The following ZC3H7B variants were observed in gnomAD, a reference collection of about 807,000 sequenced individuals.
The protein encoded by ZC3H7B is zinc finger CCCH-type containing 7B, also known as zinc finger CCCH domain-containing protein 7B.
Under a neutral mutation model 116.0 loss-of-function variants are expected in ZC3H7B, and 35 were observed. The ratio of observed to expected loss-of-function variants is 0.30; its 90% CI spans 0.23 to 0.40. ZC3H7B has a LOEUF of 0.40. Among genes scored for constraint, ZC3H7B ranks in the 10% least tolerant of loss-of-function variants. The pLI is 1.00. For missense variants in ZC3H7B, 1,011 were observed against 1,321.5 expected (o/e 0.77, Z 3.64); for synonymous variants, 502 against 545.6 (o/e 0.92, Z 1.11).
At chr22:41,313,781 C>T (rs9623380) in intron 1 of ZC3H7B, among the ~76,000 whole-genome samples, 6,197 of 152,136 alleles carry the variant, frequency 0.041, 415 homozygotes, top group African/African-American at 0.14. Flanking sequence ...CTCTCTCTGT[C>T]GCTCAGGCTG....
At chr22:41,322,349 A>G (rs1282873919) in intron 2 of ZC3H7B, among the ~76,000 whole-genome samples, 1 of 147,512 alleles carries the variant, frequency 6.8e-6, no homozygotes, top group Admixed American at 6.8e-5. Context: ...CACCACACCT[A>G]GCTAATTTTC....
chr22:41,343,329 C>G (rs1051077294), intron 12 of ZC3H7B, 86 bp from the exon 13 acceptor site: 3 of 1,512,274 alleles, frequency 2.0e-6, no homozygotes, highest in Middle Eastern at 1.8e-4. Flanking sequence ...AGGAGGGGGC[C>G]GATTCCTACC....
At chr22:41,304,235 C>CT (rs1019930174) in intron 1 of ZC3H7B, among the ~76,000 whole-genome samples, 18 of 149,954 alleles carry the variant, frequency 1.2e-4, no homozygotes, top group East Asian at 8.0e-4. Context: ...TTCTTTCTTT[C>CT]TTTTTTTTTG....
At chr22:41,343,031 G>A (rs1040050751) in intron 12 of ZC3H7B, among the ~76,000 whole-genome samples, 4 of 152,176 alleles carry the variant, frequency 2.6e-5, no homozygotes, top group Non-Finnish European at 5.9e-5. Context: ...AAAGTAGCCA[G>A]GCTTGGTGGT....
At chr22:41,341,882 T>C (rs988259119) in intron 11 of ZC3H7B, among the ~76,000 whole-genome samples, 2 of 152,030 alleles carry the variant, frequency 1.3e-5, no homozygotes, top group Non-Finnish European at 2.9e-5. Context: ...GCCAACATGG[T>C]GATACCCCGT....
At chr22:41,341,542 G>C (rs1392517189) in intron 11 of ZC3H7B, among the ~76,000 whole-genome samples, 1 of 151,724 alleles carries the variant, frequency 6.6e-6, no homozygotes, top group Non-Finnish European at 1.5e-5. Context: ...AGGAGATTGA[G>C]ACCATCCTGG....
intron 9 of ZC3H7B, among the ~76,000 whole-genome samples, 171 bp downstream of exon 9, chr22:41,339,362 C>T (rs1460705509): frequency 5.3e-5 from 8 of 152,112 alleles, no homozygotes; most frequent in Admixed American, 4.6e-4. Flanking sequence ...CACGGTGGCT[C>T]ACGCCTGTAA....
rs1601755702 is a variant in ZC3H7B at position 41,303,393 on chromosome 22, T to C, written c.-7+1621T>C. On this transcript the variant is annotated intron_variant, in intron 1 of 22. Coordinates refer to ENST00000352645, the MANE Select transcript of ZC3H7B (RefSeq NM_017590.6). The stretch of plus-strand genomic sequence containing the variant: ...AGGAATGGGGGTTTTGGTAGATTAT[T>C]GTGGGGCTTAGAAGCTTGGTGGGAT... Among the ~76,000 whole-genome samples, 4 of 152,300 alleles carry C rather than the reference T, an allele frequency of 2.6e-5. No individual in the cohort carries two copies. The East Asian group carries it at 7.7e-4, about 29-fold the overall frequency.
At position 41,345,464 on chromosome 22, in the gene ZC3H7B, A is replaced by G. The variant is rs917090500; in HGVS notation, c.1460-539A>G. On this transcript the variant is annotated intron_variant, in intron 13 of 22. Coordinates refer to ENST00000352645, the MANE Select transcript of ZC3H7B (RefSeq NM_017590.6). ...GCCGGGCGTGGTGGCGGGTGCCTGT[A>G]ATCCCAGCTACTCGGGAGGCTGAGG... Among the ~76,000 whole-genome samples the G allele has an allele frequency of 3.3e-5, 5 of 152,114 alleles. 1 individual carries two copies. Among genetic ancestry groups the G allele is most frequent in the Admixed American group, 1.3e-4 (2 of 15,278 alleles).
chr22:41,358,509 G>C lies in ZC3H7B; in HGVS notation c.*1080G>C. On this transcript the variant is annotated 3_prime_UTR_variant, in exon 23 of 23. Coordinates refer to ENST00000352645, the MANE Select transcript of ZC3H7B (RefSeq NM_017590.6). ...CTGTGTGAGGTGTGGGAGGTGGGAA[G>C]GGTGAGGGTCTGGGGGAATGCGGAG... 6.6e-6 allele frequency: 1 copy of C among 152,400 alleles called. No individual in the cohort carries two copies. Among genetic ancestry groups the C allele is most frequent in the African/African-American group, 2.4e-5 (1 of 41,440 alleles). The allele number at this position is 152,400 out of a possible 1,614,324, so 9.4% of individuals were successfully genotyped here.
In ZC3H7B at chr22:41,351,728, A is replaced by G; in HGVS notation, c.2034+82A>G. ...CAAACAGGAAGGCTCTAATTTTACA[A>G]TAGAGAAATGTTTACAATGGAGGCA... is the stretch of plus-strand genomic sequence containing the variant. On this transcript the variant is annotated intron_variant, in intron 17 of 22. Transcript: ENST00000352645. The surrounding 1 kb of genome is among the most constrained non-coding windows in gnomAD (Gnocchi z 5.1). The G allele has an allele frequency of 7.2e-7, 1 of 1,392,440 alleles. No homozygotes were observed. Among genetic ancestry groups the G allele is most frequent in the Non-Finnish European group, 9.9e-7 (1 of 1,009,116 alleles). The allele number at this position is 1,392,440 out of a possible 1,614,324, so 86.3% of individuals were successfully genotyped here. A position where few individuals can be genotyped will look rare whatever the true frequency, so the allele number is the denominator to read the frequency against.
rs1025255785 is a variant in ZC3H7B at position 41,335,477 on chromosome 22, G to A, written c.583-2836G>A. The A allele has an allele frequency of 3.9e-5, 6 of 152,476 alleles. No homozygotes were observed. In the East Asian group the frequency reaches 1.2e-3, roughly 29 times the overall value. 9.4% of individuals were successfully genotyped at this position (152,476 alleles called of 1,614,324 possible). A position where few individuals can be genotyped will look rare whatever the true frequency, so the allele number is the denominator to read the frequency against. On this transcript the variant is annotated intron_variant, in intron 7 of 22. Coordinates refer to ENST00000352645, the MANE Select transcript of ZC3H7B (RefSeq NM_017590.6). Reference sequence around the variant, plus strand: ...ATGGCATGGGCAGGAGGGCTGAGAAGGTGACTTTGTCCTGCGTGGCCTGGG... The same window carrying A: ...ATGGCATGGGCAGGAGGGCTGAGAAAGTGACTTTGTCCTGCGTGGCCTGGG...
At position 41,359,787 on chromosome 22, in the gene ZC3H7B, G is replaced by A. The variant is rs1028064590; in HGVS notation, c.*2358G>A. On this transcript the variant is annotated 3_prime_UTR_variant, in exon 23 of 23. Transcript: ENST00000352645. ...GACAGGAAGACCCTTTTAATGATGA[G>A]GGTAACTATTTCAGTTGTGAGCCTT... 1 of 152,156 alleles carries A rather than the reference G, an allele frequency of 6.6e-6. No homozygotes were observed. Among genetic ancestry groups the A allele is most frequent in the South Asian group, 2.1e-4 (1 of 4,810 alleles). 9.4% of individuals were successfully genotyped at this position (152,156 alleles called of 1,614,324 possible). A position where few individuals can be genotyped will look rare whatever the true frequency, so the allele number is the denominator to read the frequency against.
At position 41,343,469 on chromosome 22, in the gene ZC3H7B, G is replaced by A. The variant is rs150687294; in HGVS notation, c.1352G>A (p.Arg451Gln). 4.9e-5 allele frequency: 79 copies of A among 1,613,752 alleles called. No individual in the cohort carries two copies. In the African/African-American group the frequency reaches 8.0e-4, roughly 16 times the overall value. Reference sequence around the variant, plus strand: ...GAGGGCCTTGAGCACAAGTGCAAGCGGGACATCCTGCTCGGCCGGCTCCGG... The same window carrying A: ...GAGGGCCTTGAGCACAAGTGCAAGCAGGACATCCTGCTCGGCCGGCTCCGG... Reference protein sequence around the residue: ...YREGLEHKCKRDILLGRLRSS... With the variant: ...YREGLEHKCKQDILLGRLRSS... The change falls in exon 13 of 23, where the codon CGG (arginine) becomes CAG (glutamine). Residue 451 changes from arginine (R) to glutamine (Q), a missense_variant. Physicochemically the swap from Arg to Gln is conservative, Grantham distance 43. Around this residue, in one of 5 missense-constraint regions of ZC3H7B, gnomAD observed 179 missense variants for 178.5 expected, o/e 1.00. Transcript: ENST00000352645.
At chr22:41,315,476 A>G (rs1289299742) in intron 1 of ZC3H7B, among the ~76,000 whole-genome samples, 1 of 149,512 alleles carries the variant, frequency 6.7e-6, no homozygotes, top group Non-Finnish European at 1.5e-5. Flanking sequence ...CACTAAGCCC[A>G]GCCGTACCTC....
chr22:41,346,163 C>T lies in ZC3H7B; in HGVS notation c.1620C>T (p.Ala540=), dbSNP rs200725394. 2.5e-6 allele frequency: 4 copies of T among 1,612,468 alleles called. No homozygotes were observed. Among genetic ancestry groups the T allele is most frequent in the Non-Finnish European group, 3.4e-6 (4 of 1,179,944 alleles). The stretch of plus-strand genomic sequence containing the variant: ...TTAAGCGCGGCAGCCTCACCATCGC[C>T]AAGCTCCTGAAGGAGCACCAGGGCA... ...GGVKRGSLTI[A]KLLKEHQGIF... is the part of the protein sequence containing the mutation. The change falls in exon 14 of 23, where the codon GCC becomes GCT. Residue 540 remains alanine, a synonymous_variant. Transcript: ENST00000352645. The surrounding 1 kb of genome is among the most constrained non-coding windows in gnomAD (Gnocchi z 5.3).
chr22:41,349,211 G>A lies in ZC3H7B; in HGVS notation c.1858G>A (p.Glu620Lys), dbSNP rs1188725475. Residue 620 changes from glutamate to lysine, a missense_variant, in exon 16 of 23, where the codon GAG (glutamate) becomes AAG (lysine). Transcript: ENST00000352645. This position sits in a 1 kb window ranked among gnomAD's most constrained non-coding sequence, Gnocchi z 4.9. ...CTTCCAGTTCGACGTGTGCCGCCAT[G>A]AGGTGCGCTACGGCTGCCTGCGGGA... Reference protein sequence around the residue: ...EHFQFDVCRHEVRYGCLREDS... With the variant: ...EHFQFDVCRHKVRYGCLREDS... 1 of 1,613,812 alleles carries A rather than the reference G, an allele frequency of 6.2e-7. No homozygotes were observed. The highest frequency in any genetic ancestry group is 8.5e-7 in the Non-Finnish European group (1 of 1,180,028).
At chr22:41,339,309 C>G in intron 9 of ZC3H7B, 118 bp downstream of exon 9, 3 of 1,242,950 alleles carry the variant, frequency 2.4e-6, no homozygotes, top group Non-Finnish European at 3.3e-6. Context: ...GAGGAGGCCT[C>G]AGTAGGGACT....
At chr22:41,337,697 G>T (rs2145926837) in intron 7 of ZC3H7B, among the ~76,000 whole-genome samples, 1 of 152,274 alleles carries the variant, frequency 6.6e-6, no homozygotes, top group South Asian at 2.1e-4. Flanking sequence ...CCGGGGTGAG[G>T]ACCCTGCCCT....
Sources: gnomAD v4.1 joint callset for allele counts (sites outside exome capture counted in the v4.1 genomes callset) on GRCh38, gnomAD v4.1.1 for gene constraint, gnomAD v4.1.1 regional missense constraint, Gnocchi (gnomAD v3.1) non-coding constraint, MANE v1.5 for transcripts, NCBI Gene and HGNC (gene_info 2026-07-23, HGNC 2026-07-21) for gene names.